Variants in RAB38 observed in about 807,000 individuals in gnomAD.
RAB38 encodes ras-related protein Rab-38.
In RAB38, 15 loss-of-function variants were observed where a neutral mutation model predicts 18.4. That is an observed-to-expected ratio of 0.82 (90% CI 0.55 to 1.26). The LOEUF (loss-of-function observed/expected upper bound fraction) is 1.26, where lower values mean the gene tolerates loss of function less well. Ranked by LOEUF, RAB38 falls within the 50% of genes most tolerant of loss-of-function variation. The pLI, the probability that RAB38 is intolerant of heterozygous loss-of-function variation, is 0.00. For synonymous variants in RAB38, 101 were observed against 104.4 expected (o/e 0.97, Z 0.20); for missense variants, 294 against 267.4 (o/e 1.10, Z -0.69).
At chr11:88,073,030 T>C in the RAB38 span, among the ~76,000 whole-genome samples, 1 of 152,184 alleles carries the variant, frequency 6.6e-6, no homozygotes, top group Non-Finnish European at 1.5e-5. Context: ...TCCAATCTGC[T>C]TGGCACCAAA....
chr11:87,853,369 G>A, the RAB38 span, among the ~76,000 whole-genome samples: 2 of 152,140 alleles, frequency 1.3e-5, no homozygotes, highest in Non-Finnish European at 2.9e-5. Flanking sequence ...AATAGGAAGA[G>A]GTAAGAGCTC....
chr11:87,936,715 A>T, the RAB38 span, among the ~76,000 whole-genome samples: 9 of 152,232 alleles, frequency 5.9e-5, no homozygotes, highest in African/African-American at 2.2e-4. Flanking sequence ...ACCACAAAAA[A>T]TCTTGGTGGG....
the RAB38 span, among the ~76,000 whole-genome samples, chr11:88,004,822 T>C: frequency 6.6e-6 from 1 of 151,438 alleles, no homozygotes; most frequent in African/African-American, 2.4e-5. Context: ...TATAAAAATC[T>C]ATTTCATTTC....
At chr11:87,806,538 A>G in the RAB38 span, among the ~76,000 whole-genome samples, 1 of 152,218 alleles carries the variant, frequency 6.6e-6, no homozygotes, top group Non-Finnish European at 1.5e-5. Flanking sequence ...GGGGGCCTAC[A>G]AACATTCAGA....
the RAB38 span, among the ~76,000 whole-genome samples, chr11:87,938,859 C>G: frequency 2.6e-5 from 4 of 151,818 alleles, no homozygotes; most frequent in South Asian, 6.2e-4. Context: ...TTTTCTCTAC[C>G]TTTCAGAGTA....
At chr11:87,829,212 G>T in the RAB38 span, among the ~76,000 whole-genome samples, 4 of 152,160 alleles carry the variant, frequency 2.6e-5, no homozygotes, top group Non-Finnish European at 5.9e-5. Context: ...ATTTAGGGAA[G>T]ATCATTAACT....
the RAB38 span, among the ~76,000 whole-genome samples, chr11:87,946,006 G>C: frequency 1.3e-5 from 2 of 152,156 alleles, no homozygotes; most frequent in Non-Finnish European, 2.9e-5. Context: ...TGCAGAAGCT[G>C]AGGCCCAGAG....
chr11:87,920,487 G>A, the RAB38 span, among the ~76,000 whole-genome samples: 1 of 151,952 alleles, frequency 6.6e-6, no homozygotes, highest in East Asian at 1.9e-4. Flanking sequence ...TTAGACCATT[G>A]TGGTCAGGAA....
the RAB38 span, among the ~76,000 whole-genome samples, chr11:87,830,379 G>T: frequency 6.6e-6 from 1 of 152,012 alleles, no homozygotes; most frequent in Non-Finnish European, 1.5e-5. Flanking sequence ...TACTTGGGAG[G>T]CTGAGGTGGA....
the RAB38 span, among the ~76,000 whole-genome samples, chr11:88,011,830 T>G: frequency 9.9e-5 from 15 of 152,160 alleles, no homozygotes; most frequent in African/African-American, 3.4e-4. Flanking sequence ...AAGCAGCACA[T>G]CTGGGACTCA....
At chr11:87,831,262 G>C in the RAB38 span, among the ~76,000 whole-genome samples, 1 of 152,058 alleles carries the variant, frequency 6.6e-6, no homozygotes, top group African/African-American at 2.4e-5. Flanking sequence ...AGAGAGACAA[G>C]ATGCACACAC....
the RAB38 span, among the ~76,000 whole-genome samples, chr11:87,836,115 C>G: frequency 9.9e-5 from 15 of 152,208 alleles, no homozygotes; most frequent in Admixed American, 2.6e-4. Flanking sequence ...TGCTAATGAG[C>G]AGATTCTTCA....
At chr11:87,857,184 G>A in the RAB38 span, among the ~76,000 whole-genome samples, 3,017 of 152,212 alleles carry the variant, frequency 0.02, 96 homozygotes, top group African/African-American at 0.069. Flanking sequence ...CCCTACAAAG[G>A]ACAGGAACTC....
the RAB38 span, among the ~76,000 whole-genome samples, chr11:87,967,076 G>A: frequency 1.3e-5 from 2 of 152,188 alleles, no homozygotes; most frequent in East Asian, 3.9e-4. Flanking sequence ...AAATAATGAA[G>A]GCAGTCAAAT....
At chr11:87,913,353 C>T in the RAB38 span, among the ~76,000 whole-genome samples, 38 of 152,122 alleles carry the variant, frequency 2.5e-4, no homozygotes, top group Admixed American at 1.7e-3. Flanking sequence ...GAAGTTTTGT[C>T]AAGGGTTTTC....
the RAB38 span, among the ~76,000 whole-genome samples, chr11:88,017,284 T>A: frequency 6.6e-6 from 1 of 152,052 alleles, no homozygotes; most frequent in Non-Finnish European, 1.5e-5. Context: ...AATGTACTTT[T>A]CAGTGGAGAA....
At chr11:87,954,464 A>G in the RAB38 span, among the ~76,000 whole-genome samples, 1 of 152,178 alleles carries the variant, frequency 6.6e-6, no homozygotes, top group East Asian at 1.9e-4. Flanking sequence ...TTGTCACAGA[A>G]AGATAGAAAA....
the RAB38 span, among the ~76,000 whole-genome samples, chr11:88,019,609 A>G: frequency 1.3e-5 from 2 of 152,170 alleles, no homozygotes; most frequent in African/African-American, 4.8e-5. Context: ...GCTCACAAGG[A>G]AAAATACAGC....
the RAB38 span, among the ~76,000 whole-genome samples, chr11:87,843,331 CT>C: frequency 6.6e-6 from 1 of 152,222 alleles, no homozygotes; most frequent in South Asian, 2.1e-4. Context: ...ACTTTGGTTC[CT>C]TTTTTCTTCA....
Sources: allele counts gnomAD v4.1 joint callset (sites outside exome capture counted in the v4.1 genomes callset), GRCh38; gene constraint gnomAD v4.1.1; transcripts MANE v1.5; gene names NCBI Gene and HGNC (gene_info 2026-07-23, HGNC 2026-07-21).